The following ITGA9 variants were observed in gnomAD, a reference collection of about 807,000 sequenced individuals.
The protein encoded by ITGA9 is integrin alpha-9.
ITGA9 carries 56 observed loss-of-function variants against 127.8 expected under a neutral mutation model. That is an observed-to-expected ratio of 0.44 (90% confidence interval 0.35 to 0.55). ITGA9 has a LOEUF of 0.55. Ranked by LOEUF, ITGA9 falls within the 20% of genes least tolerant of loss-of-function variation. ITGA9 has a pLI of 0.00. For synonymous variants in ITGA9, 508 were observed against 514.5 expected (o/e 0.99, Z 0.17); for missense variants, 1,196 against 1,347.1 (o/e 0.89, Z 1.76).
chr3:37,585,619 C>T (rs766822531), intron 15 of ITGA9: 3 of 516,102 alleles, frequency 5.8e-6, no homozygotes, highest in Non-Finnish European at 1.2e-5. Flanking sequence ...TGCCATATTA[C>T]ATTCCAAGAA....
chr3:37,457,443 T>G (rs74925403), intron 1 of ITGA9, among the ~76,000 whole-genome samples: 12,183 of 152,194 alleles, frequency 0.08, 554 homozygotes, highest in Middle Eastern at 0.11. Context: ...TAGGACCTGC[T>G]GCCCCTGGCC....
At chr3:37,573,398 T>C (rs1699621684) in intron 15 of ITGA9, among the ~76,000 whole-genome samples, 1 of 152,164 alleles carries the variant, frequency 6.6e-6, no homozygotes, top group South Asian at 2.1e-4. Flanking sequence ...TGTGAAATAA[T>C]CATTTTATTT....
intron 18 of ITGA9, among the ~76,000 whole-genome samples, chr3:37,729,453 C>G (rs1696259374): frequency 6.6e-6 from 1 of 152,046 alleles, no homozygotes; most frequent in Non-Finnish European, 1.5e-5. Flanking sequence ...TTTTATTTGA[C>G]TGAGTAAGGT....
intron 2 of ITGA9, among the ~76,000 whole-genome samples, chr3:37,471,517 G>A (rs73826555): frequency 0.025 from 3,806 of 152,234 alleles, 149 homozygotes; most frequent in African/African-American, 0.084. Context: ...GGTGCAGGAA[G>A]CACAGCCTTC....
chr3:37,583,702 C>A (rs1233511304), intron 15 of ITGA9, among the ~76,000 whole-genome samples: 2 of 152,236 alleles, frequency 1.3e-5, no homozygotes, highest in Non-Finnish European at 2.9e-5. Flanking sequence ...GTTTCACATG[C>A]CATAATTTCC....
chr3:37,522,192 T>C (rs1699050852), intron 11 of ITGA9, among the ~76,000 whole-genome samples: 1 of 152,088 alleles, frequency 6.6e-6, no homozygotes, highest in Non-Finnish European at 1.5e-5. Context: ...AGCATTTCTC[T>C]TGTCCTCCAC....
chr3:37,685,694 G>A (rs1205456739), intron 18 of ITGA9, among the ~76,000 whole-genome samples: 2 of 152,166 alleles, frequency 1.3e-5, no homozygotes, highest in African/African-American at 2.4e-5. Context: ...GGACCCATGC[G>A]AGAAATTTCC....
At chr3:37,786,778 G>A (rs1202882809) in intron 26 of ITGA9, among the ~76,000 whole-genome samples, 1 of 152,182 alleles carries the variant, frequency 6.6e-6, no homozygotes, top group Non-Finnish European at 1.5e-5. Context: ...AGGAGAATGA[G>A]TGTTCCATGC....
intron 4 of ITGA9, among the ~76,000 whole-genome samples, chr3:37,483,737 ATAGGAACGGTGG>A (rs1339840906): frequency 6.6e-6 from 1 of 152,188 alleles, no homozygotes; most frequent in East Asian, 1.9e-4. Flanking sequence ...AGGCCACATC[ATAGGAACGGTGG>A]TAGGAGCTGG....
At chr3:37,787,954 CTT>C (rs1697061880) in intron 26 of ITGA9, among the ~76,000 whole-genome samples, 1 of 152,060 alleles carries the variant, frequency 6.6e-6, no homozygotes, top group Non-Finnish European at 1.5e-5. Flanking sequence ...TTCCTGTGAT[CTT>C]TTTTAATAGG....
chr3:37,732,817 A>C lies in ITGA9; in HGVS notation c.2154+19A>C. 6.4e-7 allele frequency: 1 copy of C among 1,565,774 alleles called. No individual in the cohort carries two copies. The highest frequency in any genetic ancestry group is 1.8e-5 in the Admixed American group (1 of 56,360). The stretch of plus-strand genomic sequence containing the variant: ...GTCAAAGGTAAGGGACACAGACGGG[A>C]CCCTTCCTCAGCAGCAGGCCCCCAG... On this transcript the variant is annotated intron_variant, in intron 19 of 27. Transcript: ENST00000264741.
chr3:37,564,164 C>T (rs1699523116), intron 15 of ITGA9, among the ~76,000 whole-genome samples: 1 of 152,196 alleles, frequency 6.6e-6, no homozygotes, highest in Admixed American at 6.5e-5. Context: ...CCATTTTTCT[C>T]CTGAGGTTTA....
chr3:37,490,975 C>CT (rs1553642022), intron 4 of ITGA9, among the ~76,000 whole-genome samples: 5,051 of 105,102 alleles, frequency 0.048, 474 homozygotes, highest in African/African-American at 0.16. Flanking sequence ...TTCCCCCCCG[C>CT]TTTTTTTTTT....
chr3:37,690,293 A>G (rs541104726), intron 18 of ITGA9, among the ~76,000 whole-genome samples: 1 of 152,292 alleles, frequency 6.6e-6, no homozygotes, highest in African/African-American at 2.4e-5. Context: ...GAGGCTGCCC[A>G]TGTTGAACAA....
intron 17 of ITGA9, among the ~76,000 whole-genome samples, chr3:37,657,383 A>G (rs1213605278): frequency 2.0e-5 from 3 of 152,018 alleles, no homozygotes; most frequent in Non-Finnish European, 4.4e-5. Flanking sequence ...TTTTTGGTCT[A>G]CTCAGGGATT....
In ITGA9 at chr3:37,651,298, G is replaced by A. The variant is rs559449276; in HGVS notation, c.1840-2416G>A. ...GACAAGGAAAATGAGTCTTTACAAAGCAACCAATTCCTCGTGAGAAGTCTT... is the reference window on the plus strand; with the variant it reads ...GACAAGGAAAATGAGTCTTTACAAAACAACCAATTCCTCGTGAGAAGTCTT... On this transcript the variant is annotated intron_variant, in intron 16 of 27. Coordinates refer to ENST00000264741, the MANE Select transcript of ITGA9 (RefSeq NM_002207.3). Among the ~76,000 whole-genome samples the A allele has an allele frequency of 1.9e-4, 29 of 152,334 alleles. No homozygotes were observed. In the South Asian group the frequency reaches 5.0e-3, roughly 26 times the overall value.
chr3:37,748,139 G>C (rs62241531), intron 22 of ITGA9: 68,070 of 483,554 alleles, frequency 0.14, 5,268 homozygotes, highest in East Asian at 0.3. Context: ...AAGAGGAAAG[G>C]CACCTGATAT....
intron 24 of ITGA9, among the ~76,000 whole-genome samples, chr3:37,779,389 G>A (rs1334053960): frequency 2.0e-5 from 3 of 151,902 alleles, no homozygotes; most frequent in Admixed American, 2.0e-4. Flanking sequence ...ACAGGCGTGA[G>A]CCACTGCGCC....
chr3:37,509,252 C>T (rs949245790), intron 8 of ITGA9, among the ~76,000 whole-genome samples: 1 of 152,196 alleles, frequency 6.6e-6, no homozygotes, highest in Non-Finnish European at 1.5e-5. Flanking sequence ...CTGAAAGTTT[C>T]CATTATACTG....
Sources: gnomAD v4.1 joint callset for allele counts (sites outside exome capture counted in the v4.1 genomes callset) on GRCh38, gnomAD v4.1.1 for gene constraint, MANE v1.5 for transcripts, NCBI Gene and HGNC (gene_info 2026-07-23, HGNC 2026-07-21) for gene names.